KCNMA1: variants seen among roughly 807,000 people sequenced by gnomAD.
The protein encoded by KCNMA1 is Calcium-activated potassium channel subunit alpha-1.
In KCNMA1, 29 loss-of-function variants were observed where a neutral mutation model predicts 140.0. The ratio of observed to expected loss-of-function variants is 0.21; its 90% confidence interval spans 0.15 to 0.28. The LOEUF (loss-of-function observed/expected upper bound fraction) is 0.28, where lower values mean the gene tolerates loss of function less well. Among genes scored for constraint, KCNMA1 ranks in the 10% least tolerant of loss-of-function variants. The pLI, the probability that KCNMA1 is intolerant of heterozygous loss-of-function variation, is 1.00. For missense variants in KCNMA1, 880 were observed against 1,602.2 expected, an observed-to-expected ratio of 0.55 and a Z score of 7.70; for synonymous variants, 612 against 611.9, an observed-to-expected ratio of 1.00 and a Z score of 0.00.
intron 17 of KCNMA1, among the ~76,000 whole-genome samples, chr10:77,018,478 A>G (rs1213817899): frequency 6.6e-6 from 1 of 152,222 alleles, no homozygotes; most frequent in African/African-American, 2.4e-5. Context: ...GGCCAGTGAA[A>G]TCCTGTGCTG....
Position 76,908,513 on chromosome 10 carries a change from C to G in KCNMA1, c.3147+1453G>C, listed in dbSNP as rs189646157. Among the ~76,000 whole-genome samples the G allele has an allele frequency of 5.3e-5, 8 of 152,360 alleles. No homozygotes were observed. In the East Asian group the frequency reaches 1.3e-3, roughly 26 times the overall value. ...TGCAGTTGGACAATGTTCAGGCATA[C>G]AGAATAACCCAAATTAGTCTTAAAA... On this transcript the variant is annotated intron_variant, in intron 25 of 27. Transcript: ENST00000286628.
intron 1 of KCNMA1, among the ~76,000 whole-genome samples, chr10:77,420,591 G>A (rs1033663406): frequency 6.6e-6 from 1 of 152,198 alleles, no homozygotes; most frequent in African/African-American, 2.4e-5. Flanking sequence ...AGAACCTGAG[G>A]TCAGGAGCCA....
intron 3 of KCNMA1, among the ~76,000 whole-genome samples, chr10:77,212,127 C>A (rs1048490361): frequency 6.6e-6 from 1 of 152,062 alleles, no homozygotes; most frequent in East Asian, 1.9e-4. Context: ...GATAATTATA[C>A]CAAAAAAACA....
intron 1 of KCNMA1, among the ~76,000 whole-genome samples, chr10:77,468,265 G>A (rs1041487680): frequency 3.3e-5 from 5 of 152,306 alleles, no homozygotes; most frequent in Middle Eastern, 3.4e-3. Context: ...GTCAGAACCA[G>A]GGGATTCTGG....
intron 1 of KCNMA1, among the ~76,000 whole-genome samples, chr10:77,453,543 C>G (rs1157813258): frequency 1.3e-5 from 2 of 151,988 alleles, no homozygotes; most frequent in South Asian, 4.1e-4. Context: ...AGAGGAGAAA[C>G]GAAGTGAGCC....
chr10:77,028,523 C>T (rs903560506), intron 15 of KCNMA1, among the ~76,000 whole-genome samples: 1 of 152,032 alleles, frequency 6.6e-6, no homozygotes, highest in Admixed American at 6.6e-5. Context: ...CTCTCGATCC[C>T]TTCTTCTCTC....
intron 6 of KCNMA1, among the ~76,000 whole-genome samples, chr10:77,118,834 T>G (rs1337518330): frequency 6.6e-6 from 1 of 152,220 alleles, no homozygotes; most frequent in African/African-American, 2.4e-5. Flanking sequence ...GCAGGACTCC[T>G]AGCATGCACC....
chr10:77,135,931 C>T (rs1477983955), intron 5 of KCNMA1, among the ~76,000 whole-genome samples: 1 of 152,080 alleles, frequency 6.6e-6, no homozygotes, highest in East Asian at 1.9e-4. Flanking sequence ...ATATAGTATT[C>T]TTGAAAAATG....
intron 6 of KCNMA1, among the ~76,000 whole-genome samples, chr10:77,116,277 A>G: frequency 6.6e-6 from 1 of 152,174 alleles, no homozygotes; most frequent in East Asian, 1.9e-4. Context: ...ACAGTGAATC[A>G]TGATAGGTCA....
At chr10:77,385,652 AACACT>A (rs1431758074) in intron 2 of KCNMA1, among the ~76,000 whole-genome samples, 1 of 152,232 alleles carries the variant, frequency 6.6e-6, no homozygotes, top group African/African-American at 2.4e-5. Flanking sequence ...CAGAGGAGGA[AACACT>A]ATGCACTGCA....
At chr10:77,462,284 C>A (rs1450434836) in intron 1 of KCNMA1, among the ~76,000 whole-genome samples, 2 of 152,118 alleles carry the variant, frequency 1.3e-5, no homozygotes, top group Non-Finnish European at 2.9e-5. Context: ...AACACATACA[C>A]ACATGAGCAC....
At chr10:77,403,569 T>A (rs1208338935) in intron 2 of KCNMA1, among the ~76,000 whole-genome samples, 1 of 152,100 alleles carries the variant, frequency 6.6e-6, no homozygotes, top group Admixed American at 6.6e-5. Context: ...TCCAAGATGA[T>A]GGAGGGTGTG....
chr10:77,261,243 T>C (rs2061932999), intron 2 of KCNMA1, among the ~76,000 whole-genome samples: 1 of 152,174 alleles, frequency 6.6e-6, no homozygotes, highest in South Asian at 2.1e-4. Flanking sequence ...CATCAGTATA[T>C]AGACAAAGTT....
chr10:77,216,272 A>G (rs564681315), intron 3 of KCNMA1, among the ~76,000 whole-genome samples: 1 of 152,300 alleles, frequency 6.6e-6, no homozygotes, highest in South Asian at 2.1e-4. Flanking sequence ...GATTGCAGCG[A>G]TAGTTGCACA....
intron 9 of KCNMA1, among the ~76,000 whole-genome samples, chr10:77,103,392 C>T (rs546927062): frequency 4.6e-5 from 7 of 152,288 alleles, no homozygotes; most frequent in African/African-American, 9.6e-5. Context: ...GAACTGGTCA[C>T]GTGGGGCTCT....
chr10:77,514,908 GT>G (rs975570403), intron 1 of KCNMA1, among the ~76,000 whole-genome samples: 4 of 149,968 alleles, frequency 2.7e-5, no homozygotes, highest in Non-Finnish European at 4.4e-5. Flanking sequence ...GTTTTTTTTT[GT>G]TTTTTTTCCA....
Position 77,488,472 on chromosome 10 carries a change from A to G in KCNMA1, c.379-84449T>C, listed in dbSNP as rs367993394. On this transcript the variant is annotated intron_variant, in intron 1 of 27. Transcript: ENST00000286628. ...TGGGCTGGTAAGGAAGCAAAGGTGA[A>G]AGGGGTGTGGGATAAGGCAAGGTGA... 2.8e-4 allele frequency among the ~76,000 whole-genome samples: 42 copies of G among 152,296 alleles called. 2 individuals carry two copies. The South Asian group carries it at 8.1e-3, about 29-fold the overall frequency.
At chr10:77,220,090 T>C (rs1013907848) in intron 3 of KCNMA1, among the ~76,000 whole-genome samples, 1 of 152,222 alleles carries the variant, frequency 6.6e-6, no homozygotes, top group African/African-American at 2.4e-5. Flanking sequence ...CTGAGTGTTT[T>C]TATCTGTTGA....
chr10:77,126,576 T>TC (rs1365003878), intron 5 of KCNMA1, among the ~76,000 whole-genome samples: 7 of 152,158 alleles, frequency 4.6e-5, no homozygotes, highest in Non-Finnish European at 1.0e-4. Flanking sequence ...CCAAATCCCC[T>TC]CTTCAGGGAC....
Sources: gnomAD v4.1 joint callset for allele counts (sites outside exome capture counted in the v4.1 genomes callset) on GRCh38, gnomAD v4.1.1 for gene constraint, MANE v1.5 for transcripts, NCBI Gene and HGNC (gene_info 2026-07-23, HGNC 2026-07-21) for gene names.